The following GMDS variants were observed in gnomAD, a reference collection of about 807,000 sequenced individuals.
GMDS encodes GDP-mannose 4,6 dehydratase.
In GMDS, 20 loss-of-function variants were observed where a neutral mutation model predicts 49.9. The observed-to-expected ratio is 0.40, with a 90% CI of 0.28 to 0.58. The LOEUF is 0.58. GMDS is among the 20% of genes least tolerant of loss of function. GMDS has a pLI of 0.42. For missense variants in GMDS, 362 were observed against 481.4 expected (o/e 0.75, Z 2.32); for synonymous variants, 177 against 178.6 (o/e 0.99, Z 0.07).
At chr6:1,803,701 TA>T (rs1770045909) in intron 7 of GMDS, among the ~76,000 whole-genome samples, 1 of 152,226 alleles carries the variant, frequency 6.6e-6, no homozygotes, top group Admixed American at 6.5e-5. Context: ...GATCAACACT[TA>T]CCCTGTTTAA....
intron 7 of GMDS, among the ~76,000 whole-genome samples, chr6:1,818,987 T>C (rs1310219269): frequency 6.6e-6 from 1 of 152,094 alleles, no homozygotes; most frequent in Non-Finnish European, 1.5e-5. Flanking sequence ...GCCGCATGAC[T>C]AGATAGAAGC....
At chr6:2,012,317 G>A (rs530954230) in intron 4 of GMDS, among the ~76,000 whole-genome samples, 1 of 152,212 alleles carries the variant, frequency 6.6e-6, no homozygotes, top group Admixed American at 6.5e-5. Context: ...ATTACATTAA[G>A]TGAAATGGTC....
At chr6:1,923,002 G>A (rs1374654955) in intron 7 of GMDS, among the ~76,000 whole-genome samples, 1 of 152,176 alleles carries the variant, frequency 6.6e-6, no homozygotes, top group Non-Finnish European at 1.5e-5. Context: ...CACAAGAGCT[G>A]TTGGCTTTAA....
chr6:2,150,547 T>G (rs1279152986), intron 1 of GMDS, among the ~76,000 whole-genome samples: 1 of 152,230 alleles, frequency 6.6e-6, no homozygotes, highest in East Asian at 1.9e-4. Flanking sequence ...CAATGTCCTG[T>G]GGGAAAACCA....
At chr6:1,971,207 C>A (rs1764593073) in intron 4 of GMDS, among the ~76,000 whole-genome samples, 1 of 152,140 alleles carries the variant, frequency 6.6e-6, no homozygotes, top group Non-Finnish European at 1.5e-5. Context: ...GGGGAGCCAG[C>A]AGTGGCTCTG....
At chr6:1,776,795 T>C (rs1561797013) in intron 7 of GMDS, among the ~76,000 whole-genome samples, 3 of 152,152 alleles carry the variant, frequency 2.0e-5, no homozygotes, top group African/African-American at 7.2e-5. Context: ...AAGCACTGAT[T>C]TTGCTCCTTT....
intron 4 of GMDS, among the ~76,000 whole-genome samples, chr6:2,029,636 G>C (rs1768831984): frequency 6.6e-6 from 1 of 152,170 alleles, no homozygotes; most frequent in South Asian, 2.1e-4. Flanking sequence ...TACAAGACTT[G>C]TGTCAGGCAT....
At chr6:1,743,851 C>T (rs1368378565) in intron 7 of GMDS, among the ~76,000 whole-genome samples, 1 of 146,278 alleles carries the variant, frequency 6.8e-6, no homozygotes, top group African/African-American at 2.6e-5. Context: ...AAAAAAAAAT[C>T]AATCTCTATT....
At chr6:1,928,167 C>T (rs1381495482) in intron 7 of GMDS, among the ~76,000 whole-genome samples, 2 of 151,962 alleles carry the variant, frequency 1.3e-5, no homozygotes, top group Non-Finnish European at 2.9e-5. Context: ...CAGATGGAGA[C>T]CATCCTGGTC....
At chr6:2,144,670 G>A (rs1319168961) in intron 1 of GMDS, among the ~76,000 whole-genome samples, 1 of 152,168 alleles carries the variant, frequency 6.6e-6, no homozygotes, top group African/African-American at 2.4e-5. Flanking sequence ...CTCAGAACTG[G>A]CTAGACCTGC....
In GMDS at chr6:2,055,134, T is replaced by C. The variant is rs183641997; in HGVS notation, c.345+60637A>G. Among the ~76,000 whole-genome samples the C allele has an allele frequency of 1.6e-4, 25 of 152,088 alleles. No individual in the cohort carries two copies. The East Asian group carries it at 4.1e-3, about 25-fold the overall frequency. Reference sequence around the variant, plus strand: ...GTCAGTAAAGACTTTCCTGTAAAGATAGAGCGATAAAAACTACTGAATCTG... The same window carrying C: ...GTCAGTAAAGACTTTCCTGTAAAGACAGAGCGATAAAAACTACTGAATCTG... On this transcript the variant is annotated intron_variant, in intron 4 of 10. Coordinates refer to ENST00000380815, the MANE Select transcript of GMDS (RefSeq NM_001500.4).
chr6:1,633,700 C>T (rs145957774), intron 9 of GMDS, among the ~76,000 whole-genome samples: 4 of 152,184 alleles, frequency 2.6e-5, no homozygotes, highest in East Asian at 3.9e-4. Flanking sequence ...AAGGGAACCC[C>T]GGAGAGAAGG....
At chr6:2,093,349 A>T (rs1161502703) in intron 4 of GMDS, among the ~76,000 whole-genome samples, 1 of 152,192 alleles carries the variant, frequency 6.6e-6, no homozygotes, top group Non-Finnish European at 1.5e-5. Context: ...TGCATTATGC[A>T]TTCTGTTTCT....
intron 6 of GMDS, among the ~76,000 whole-genome samples, chr6:1,936,039 T>C (rs1237752098): frequency 6.6e-6 from 1 of 152,198 alleles, no homozygotes; most frequent in African/African-American, 2.4e-5. Flanking sequence ...GGTTCAGCTT[T>C]AATATCTATC....
At chr6:1,924,932 C>T (rs1030751878) in intron 7 of GMDS, among the ~76,000 whole-genome samples, 8 of 147,770 alleles carry the variant, frequency 5.4e-5, no homozygotes, top group African/African-American at 1.7e-4. Flanking sequence ...CACTCCAGCC[C>T]GGGCGACGGC....
intron 7 of GMDS, among the ~76,000 whole-genome samples, chr6:1,838,582 T>C (rs537170954): frequency 4.6e-5 from 7 of 152,332 alleles, no homozygotes; most frequent in African/African-American, 1.7e-4. Context: ...GCAAATAAAA[T>C]ATCGAAAATA....
intron 7 of GMDS, among the ~76,000 whole-genome samples, chr6:1,862,635 C>T (rs188686458): frequency 6.6e-6 from 1 of 152,206 alleles, no homozygotes; most frequent in African/African-American, 2.4e-5. Flanking sequence ...GCCAAAGAAC[C>T]TTTCCCAGCT....
chr6:1,966,002 T>A (rs1016068550), intron 4 of GMDS, among the ~76,000 whole-genome samples: 1 of 152,198 alleles, frequency 6.6e-6, no homozygotes, highest in African/African-American at 2.4e-5. Flanking sequence ...GTTTTATAGG[T>A]CATAGCCCTA....
intron 1 of GMDS, among the ~76,000 whole-genome samples, chr6:2,197,589 G>A (rs140467934): frequency 5.9e-5 from 9 of 152,346 alleles, no homozygotes; most frequent in Admixed American, 2.0e-4. Flanking sequence ...AGGGAGCACT[G>A]CACTAGAGAA....
Sources: gnomAD v4.1 joint callset for allele counts (sites outside exome capture counted in the v4.1 genomes callset) on GRCh38, gnomAD v4.1.1 for gene constraint, MANE v1.5 for transcripts, NCBI Gene and HGNC (gene_info 2026-07-23, HGNC 2026-07-21) for gene names.